PCDH15: variants seen among roughly 807,000 people sequenced by gnomAD.
The protein encoded by PCDH15 is protocadherin related 15, also known as protocadherin-15.
In PCDH15, 129 loss-of-function variants were observed where a neutral mutation model predicts 178.5. The observed-to-expected ratio is 0.72, with a 90% CI of 0.63 to 0.84. The LOEUF (loss-of-function observed/expected upper bound fraction) is 0.84. PCDH15 is among the 40% of genes least tolerant of loss of function. The pLI is 0.00. For synonymous variants in PCDH15, 800 were observed against 732.0 expected (o/e 1.09, Z -1.50); for missense variants, 2,230 against 2,099.9 (o/e 1.06, Z -1.21).
chr10:55,159,213 T>G (rs1838985199), intron 2 of PCDH15, among the ~76,000 whole-genome samples: 1 of 151,768 alleles, frequency 6.6e-6, no homozygotes, highest in African/African-American at 2.4e-5. Flanking sequence ...AAATTAAATC[T>G]AAAAAGCTGC....
intron 26 of PCDH15, among the ~76,000 whole-genome samples, chr10:53,877,114 C>T (rs955469141): frequency 3.3e-5 from 5 of 152,048 alleles, no homozygotes; most frequent in Non-Finnish European, 7.4e-5. Context: ...ACAAAACAAG[C>T]AGGACTTGCA....
intron 2 of PCDH15, among the ~76,000 whole-genome samples, chr10:55,546,322 T>A (rs146887358): frequency 6.6e-6 from 1 of 152,272 alleles, no homozygotes; most frequent in East Asian, 1.9e-4. Context: ...AATAATACAG[T>A]ATATTAGTTG....
At chr10:54,723,051 T>C (rs1042820665) in intron 1 of PCDH15, among the ~76,000 whole-genome samples, 2 of 151,462 alleles carry the variant, frequency 1.3e-5, no homozygotes, top group African/African-American at 4.8e-5. Context: ...AAAATCTTAA[T>C]GTTTAGATGG....
At chr10:54,872,132 T>C (rs1251441318) in intron 3 of PCDH15, among the ~76,000 whole-genome samples, 2 of 152,048 alleles carry the variant, frequency 1.3e-5, no homozygotes, top group Non-Finnish European at 2.9e-5. Flanking sequence ...TCTTTTCACA[T>C]AACTTTACTC....
chr10:55,297,138 A>G (rs1415752913), intron 1 of PCDH15, among the ~76,000 whole-genome samples: 1 of 152,138 alleles, frequency 6.6e-6, no homozygotes, highest in Non-Finnish European at 1.5e-5. Context: ...AGCAAAAAAT[A>G]AGCATTATAA....
intron 2 of PCDH15, among the ~76,000 whole-genome samples, chr10:54,979,815 C>CATACAATAT (rs56971852): frequency 0.3 from 45,868 of 151,550 alleles, 7,822 homozygotes; most frequent in African/African-American, 0.46. Context: ...CCATATTCTA[C>CATACAATAT]GTGTAACATA....
chr10:54,545,759 G>A (rs2133070232), intron 2 of PCDH15, among the ~76,000 whole-genome samples: 1 of 152,268 alleles, frequency 6.6e-6, no homozygotes, highest in South Asian at 2.1e-4. Flanking sequence ...AAATCATTAT[G>A]ATTTAAACAC....
At chr10:55,564,418 T>G (rs1842260474) in intron 2 of PCDH15, among the ~76,000 whole-genome samples, 1 of 151,612 alleles carries the variant, frequency 6.6e-6, no homozygotes, top group African/African-American at 2.4e-5. Flanking sequence ...GAAAGGAATT[T>G]AAATTTTCAC....
chr10:54,293,131 G>A (rs2059529074), intron 8 of PCDH15, among the ~76,000 whole-genome samples: 1 of 152,068 alleles, frequency 6.6e-6, no homozygotes, highest in East Asian at 1.9e-4. Context: ...ATAGACCAAT[G>A]GAACAGGAAA....
chr10:54,334,052 T>G (rs1473108093), intron 6 of PCDH15, among the ~76,000 whole-genome samples: 2 of 152,140 alleles, frequency 1.3e-5, no homozygotes, highest in Non-Finnish European at 2.9e-5. Flanking sequence ...TTGGCTTTTT[T>G]GGGTGATAAG....
intron 2 of PCDH15, among the ~76,000 whole-genome samples, chr10:55,152,180 T>A (rs1251371666): frequency 6.6e-6 from 1 of 152,144 alleles, no homozygotes; most frequent in African/African-American, 2.4e-5. Flanking sequence ...AAGTAATATA[T>A]TTCATAAACT....
chr10:54,258,872 C>T (rs569603036), intron 8 of PCDH15, among the ~76,000 whole-genome samples: 2 of 152,198 alleles, frequency 1.3e-5, no homozygotes, highest in South Asian at 2.1e-4. Flanking sequence ...TGATATAAAA[C>T]ATAAAATGTC....
At chr10:55,280,574 C>A (rs1376002920) in intron 1 of PCDH15, among the ~76,000 whole-genome samples, 1 of 151,248 alleles carries the variant, frequency 6.6e-6, no homozygotes, top group African/African-American at 2.4e-5. Flanking sequence ...CAGGCGTGAG[C>A]CACCGTGCCA....
chr10:55,051,384 A>C (rs1417636586), intron 2 of PCDH15, among the ~76,000 whole-genome samples: 1 of 152,202 alleles, frequency 6.6e-6, no homozygotes, highest in East Asian at 1.9e-4. Context: ...ATTTTAATAT[A>C]GTAAACAGTA....
At chr10:53,814,442 A>AATGCATATGGCATCAATT (rs2075987426) in intron 35 of PCDH15, among the ~76,000 whole-genome samples, 1 of 152,182 alleles carries the variant, frequency 6.6e-6, no homozygotes, top group African/African-American at 2.4e-5. Flanking sequence ...TGCTAGCTAC[A>AATGCATATGGCATCAATT]ATGCATATGG....
chr10:55,173,106 A>C (rs1388877346), intron 1 of PCDH15, among the ~76,000 whole-genome samples: 2 of 151,986 alleles, frequency 1.3e-5, no homozygotes, highest in Non-Finnish European at 2.9e-5. Flanking sequence ...TCAATTCTGC[A>C]AAAAATTGAT....
rs116669510 is a variant in PCDH15, at chr10:54,728,685, T to C, written c.-28-64395A>G. Among the ~76,000 whole-genome samples, 1,277 of 151,536 alleles carry C rather than the reference T, an allele frequency of 8.4e-3. 14 individuals carry two copies. The highest frequency in any genetic ancestry group is 0.028 in the African/African-American group (1,179 of 41,466). On this transcript the variant is annotated intron_variant, in intron 1 of 37. Coordinates refer to ENST00000644397, the MANE Select transcript of PCDH15 (RefSeq NM_001384140.1). Reference sequence around the variant, plus strand: ...GGGATTCTATGCCTAGAAAACCCCATAGTCCCTGCCCAAACACTCCTAGAA... The same window carrying C: ...GGGATTCTATGCCTAGAAAACCCCACAGTCCCTGCCCAAACACTCCTAGAA...
chr10:55,128,114 A>T (rs1004680448), intron 2 of PCDH15, among the ~76,000 whole-genome samples: 1 of 151,992 alleles, frequency 6.6e-6, no homozygotes, highest in African/African-American at 2.4e-5. Flanking sequence ...ACTTTTTATG[A>T]TCTAACGCTG....
chr10:55,535,244 A>G (rs1338746990), intron 2 of PCDH15, among the ~76,000 whole-genome samples: 2 of 152,118 alleles, frequency 1.3e-5, no homozygotes, highest in East Asian at 3.8e-4. Context: ...CATGTGAAAT[A>G]CTTATATGAT....
Sources: gnomAD v4.1 joint callset for allele counts (sites outside exome capture counted in the v4.1 genomes callset) on GRCh38, gnomAD v4.1.1 for gene constraint, MANE v1.5 for transcripts, NCBI Gene and HGNC (gene_info 2026-07-23, HGNC 2026-07-21) for gene names.